The following CADPS variants were observed in gnomAD, a reference collection of about 807,000 sequenced individuals.
CADPS encodes calcium dependent secretion activator, also known as calcium-dependent secretion activator 1.
Under a neutral mutation model 167.3 loss-of-function variants are expected in CADPS, and 57 were observed. The observed-to-expected ratio is 0.34, with a 90% CI of 0.28 to 0.42. The LOEUF is 0.42. Ranked by LOEUF, CADPS falls within the 20% of genes least tolerant of loss-of-function variation. The pLI, the probability that CADPS is intolerant of heterozygous loss-of-function variation, is 1.00. For missense variants in CADPS, 1,414 were observed against 1,738.1 expected (o/e 0.81, Z 3.32); for synonymous variants, 676 against 635.3 (o/e 1.06, Z -0.96).
At chr3:62,711,869 G>A (rs1303701478) in intron 3 of CADPS, among the ~76,000 whole-genome samples, 1 of 152,104 alleles carries the variant, frequency 6.6e-6, no homozygotes, top group East Asian at 1.9e-4. Context: ...TAATCCCATC[G>A]TGGCTACTCA....
At chr3:62,451,667 C>T (rs1338609021) in intron 26 of CADPS, among the ~76,000 whole-genome samples, 2 of 152,080 alleles carry the variant, frequency 1.3e-5, no homozygotes, top group Admixed American at 1.3e-4. Context: ...GCTGACTCCA[C>T]CCCCGCCTGT....
chr3:62,556,940 C>T (rs1023365623), intron 10 of CADPS, among the ~76,000 whole-genome samples: 1 of 150,738 alleles, frequency 6.6e-6, no homozygotes, highest in African/African-American at 2.5e-5. Context: ...ATATATTGGG[C>T]AGGCTCCCTT....
In CADPS at chr3:62,875,053, T is replaced by C; in HGVS notation, c.-24A>G. The C allele has an allele frequency of 6.4e-7, 1 of 1,569,020 alleles. No individual in the cohort carries two copies. The highest frequency in any genetic ancestry group is 1.4e-5 in the African/African-American group (1 of 71,378). ...ATAGTGGCGCCTGGGGAGCGGGGTC[T>C]CTGGAGCCCCCGGCTTGGAGTGCAA... On this transcript the variant is annotated 5_prime_UTR_variant, in exon 1 of 30. Transcript: ENST00000383710.
At chr3:62,425,445 C>G (rs181614323) in intron 28 of CADPS, among the ~76,000 whole-genome samples, 112 of 152,166 alleles carry the variant, frequency 7.4e-4, no homozygotes, top group Admixed American at 3.1e-3. Flanking sequence ...ATTAAACTCT[C>G]GGAACTTATT....
At chr3:62,744,601 T>C (rs180800258) in intron 3 of CADPS, among the ~76,000 whole-genome samples, 9 of 152,340 alleles carry the variant, frequency 5.9e-5, no homozygotes, top group Middle Eastern at 3.4e-3. Context: ...ATAGATTTTG[T>C]TGTTTGGCAA....
intron 13 of CADPS, among the ~76,000 whole-genome samples, chr3:62,528,125 C>T (rs186610434): frequency 6.6e-6 from 1 of 152,294 alleles, no homozygotes; most frequent in African/African-American, 2.4e-5. Context: ...TAGCATCTCA[C>T]CTGGAAATGT....
intron 24 of CADPS, 22 bp downstream of exon 24, chr3:62,474,151 G>GTGTTTTTTTTTTT: frequency 2.0e-6 from 1 of 496,850 alleles, no homozygotes; most frequent in South Asian, 2.8e-5. Context: ...AAAAAAATCT[G>GTGTTTTTTTTTTT]TATTTTTTTT....
At chr3:62,417,150 T>C (rs912053668) in intron 28 of CADPS, among the ~76,000 whole-genome samples, 1 of 152,206 alleles carries the variant, frequency 6.6e-6, no homozygotes, top group African/African-American at 2.4e-5. Flanking sequence ...TGAACACTAT[T>C]GGTGATTCTG....
chr3:62,647,952 G>T (rs1231845073), intron 5 of CADPS, among the ~76,000 whole-genome samples: 1 of 152,178 alleles, frequency 6.6e-6, no homozygotes, highest in Non-Finnish European at 1.5e-5. Flanking sequence ...TTTGCCCTTT[G>T]TCCTTTGCCC....
intron 1 of CADPS, among the ~76,000 whole-genome samples, chr3:62,770,612 G>A (rs1308065229): frequency 1.2e-4 from 18 of 152,142 alleles, no homozygotes; most frequent in Admixed American, 6.5e-5. Flanking sequence ...TTTTAGTAAA[G>A]ATGGGGTTTT....
intron 1 of CADPS, among the ~76,000 whole-genome samples, chr3:62,808,214 T>C (rs917227836): frequency 6.8e-6 from 1 of 147,004 alleles, no homozygotes; most frequent in African/African-American, 2.5e-5. Context: ...CTAAATGGAA[T>C]GAAATGCTGA....
chr3:62,671,281 T>C (rs1419757111), intron 3 of CADPS, among the ~76,000 whole-genome samples: 1 of 150,808 alleles, frequency 6.6e-6, no homozygotes, highest in African/African-American at 2.5e-5. Flanking sequence ...ACAGCTGTGT[T>C]TTTTTTTTAA....
intron 3 of CADPS, among the ~76,000 whole-genome samples, chr3:62,745,172 T>C (rs2081184886): frequency 6.6e-6 from 1 of 152,128 alleles, no homozygotes; most frequent in Admixed American, 6.6e-5. Context: ...AGCCTTGGCT[T>C]CCCAGGCTCA....
At chr3:62,663,000 A>C (rs1276924663) in intron 3 of CADPS, among the ~76,000 whole-genome samples, 1 of 152,212 alleles carries the variant, frequency 6.6e-6, no homozygotes, top group Non-Finnish European at 1.5e-5. Context: ...CAGAGCACCC[A>C]GGCATAAATA....
chr3:62,725,746 G>A (rs1366153355), intron 3 of CADPS, among the ~76,000 whole-genome samples: 2 of 151,866 alleles, frequency 1.3e-5, no homozygotes, highest in African/African-American at 4.9e-5. Context: ...AGAAAAATAT[G>A]TTAGGTCTTG....
Position 62,779,591 on chromosome 3 carries a change from G to C in CADPS, c.442-13607C>G, listed in dbSNP as rs1051636745. 8 of 533,830 alleles carry C rather than the reference G, an allele frequency of 1.5e-5. No individual in the cohort carries two copies. The African/African-American group carries it at 1.5e-4, about 10-fold the overall frequency. The allele number at this position is 533,830 out of a possible 1,614,324, so 33.1% of individuals were successfully genotyped here. A position where few individuals can be genotyped will look rare whatever the true frequency, so the allele number is the denominator to read the frequency against. ...ATGGGACATAATTCTGCTGGGCACT[G>C]TGTGGAAACTTGAGGATGAAATCAG... On this transcript the variant is annotated intron_variant, in intron 1 of 29. Coordinates refer to ENST00000383710, the MANE Select transcript of CADPS (RefSeq NM_003716.4).
intron 1 of CADPS, among the ~76,000 whole-genome samples, chr3:62,808,852 T>A (rs2094249197): frequency 6.6e-6 from 1 of 152,130 alleles, no homozygotes; most frequent in Non-Finnish European, 1.5e-5. Context: ...GAGTACAATA[T>A]GCATTTCAAA....
At chr3:62,664,565 G>A (rs1294454286) in intron 3 of CADPS, among the ~76,000 whole-genome samples, 3 of 152,204 alleles carry the variant, frequency 2.0e-5, no homozygotes, top group Non-Finnish European at 4.4e-5. Context: ...AAGTTCTTCA[G>A]CTCTAAGTGC....
chr3:62,570,848 C>A, intron 9 of CADPS, 24 bp downstream of exon 9: 1 of 1,504,044 alleles, frequency 6.6e-7, no homozygotes, highest in South Asian at 1.1e-5. Flanking sequence ...ACTGATGTCT[C>A]TTAAGAGTTG....
Sources: allele counts gnomAD v4.1 joint callset (sites outside exome capture counted in the v4.1 genomes callset), GRCh38; gene constraint gnomAD v4.1.1; transcripts MANE v1.5; gene names NCBI Gene and HGNC (gene_info 2026-07-23, HGNC 2026-07-21).